Variants in WWOX observed in about 807,000 individuals in gnomAD.
The protein encoded by WWOX is WW domain-containing oxidoreductase.
In WWOX, 69 loss-of-function variants were observed where a neutral mutation model predicts 46.2. That is an observed-to-expected ratio of 1.49 (90% CI 1.23 to 1.82). The LOEUF (loss-of-function observed/expected upper bound fraction) is 1.82, where lower values mean the gene tolerates loss of function less well. Among genes scored for constraint, WWOX ranks in the 40% most tolerant of loss-of-function variants. The pLI is 0.00. For missense variants in WWOX, 919 were observed against 542.6 expected, an observed-to-expected ratio of 1.69 and a Z score of -6.89; for synonymous variants, 359 against 202.6, an observed-to-expected ratio of 1.77 and a Z score of -6.56.
intron 3 of WWOX, among the ~76,000 whole-genome samples, chr16:78,111,116 G>T (rs1206205255): frequency 6.6e-6 from 1 of 151,952 alleles, no homozygotes; most frequent in Admixed American, 6.6e-5. Flanking sequence ...GAGTCCACTT[G>T]CATGGATCCA....
At chr16:79,169,757 C>T (rs1213572966) in intron 8 of WWOX, among the ~76,000 whole-genome samples, 2 of 152,212 alleles carry the variant, frequency 1.3e-5, no homozygotes, top group African/African-American at 4.8e-5. Context: ...AACCTTGCCA[C>T]AGCCTCCTTT....
intron 8 of WWOX, among the ~76,000 whole-genome samples, chr16:79,088,832 G>C (rs2048900615): frequency 6.6e-6 from 1 of 152,172 alleles, no homozygotes; most frequent in Non-Finnish European, 1.5e-5. Context: ...AAAGTCCATA[G>C]AAGCCCAGGA....
intron 8 of WWOX, among the ~76,000 whole-genome samples, chr16:78,729,088 A>T (rs1807367): frequency 0.036 from 5,507 of 152,222 alleles, 179 homozygotes; most frequent in African/African-American, 0.087. Context: ...CATGCCTGCA[A>T]TCCCAGCACT....
intron 8 of WWOX, among the ~76,000 whole-genome samples, chr16:78,883,552 C>A (rs926412819): frequency 6.6e-6 from 1 of 151,966 alleles, no homozygotes; most frequent in Admixed American, 6.6e-5. Context: ...GGCAAAACCC[C>A]ATCTCTACTA....
intron 5 of WWOX, among the ~76,000 whole-genome samples, chr16:78,327,206 C>G (rs1218145484): frequency 1.3e-5 from 2 of 152,176 alleles, no homozygotes; most frequent in African/African-American, 4.8e-5. Flanking sequence ...TAGGCCAGGT[C>G]TGTCTTATGA....
intron 8 of WWOX, among the ~76,000 whole-genome samples, chr16:78,923,907 C>G (rs929968932): frequency 6.8e-6 from 1 of 146,560 alleles, no homozygotes; most frequent in Non-Finnish European, 1.5e-5. Flanking sequence ...TCATGCCATT[C>G]TCCTGCCTCA....
At chr16:78,143,890 C>G (rs375356136) in intron 4 of WWOX, among the ~76,000 whole-genome samples, 1 of 151,384 alleles carries the variant, frequency 6.6e-6, no homozygotes, top group Non-Finnish European at 1.5e-5. Context: ...GCTCACTTCA[C>G]GTTTCGGATC....
At chr16:78,716,383 G>C (rs1156653111) in intron 8 of WWOX, among the ~76,000 whole-genome samples, 1 of 152,116 alleles carries the variant, frequency 6.6e-6, no homozygotes, top group Non-Finnish European at 1.5e-5. Context: ...AGAGTACATT[G>C]CTGTTCTAAG....
At chr16:78,580,712 C>T (rs1483502698) in intron 8 of WWOX, among the ~76,000 whole-genome samples, 8 of 152,178 alleles carry the variant, frequency 5.3e-5, no homozygotes, top group Non-Finnish European at 8.8e-5. Context: ...TTCAGCTCCA[C>T]GAATACTGCA....
At chr16:78,751,050 C>G (rs937089006) in intron 8 of WWOX, among the ~76,000 whole-genome samples, 2 of 152,032 alleles carry the variant, frequency 1.3e-5, no homozygotes, top group African/African-American at 4.8e-5. Context: ...TATTTTTAGA[C>G]CTTTGAGAAA....
At chr16:79,155,909 CT>C (rs35418373) in intron 8 of WWOX, among the ~76,000 whole-genome samples, 18,862 of 150,950 alleles carry the variant, frequency 0.12, 2,005 homozygotes, top group African/African-American at 0.3. Flanking sequence ...TTTTTTTAAT[CT>C]AGGTACAAGT....
intron 5 of WWOX, among the ~76,000 whole-genome samples, chr16:78,244,943 A>G (rs2037770594): frequency 6.6e-6 from 1 of 152,202 alleles, no homozygotes; most frequent in South Asian, 2.1e-4. Context: ...AAATCCTCCA[A>G]TATATATCTA....
intron 8 of WWOX, among the ~76,000 whole-genome samples, chr16:78,901,385 T>C (rs1398159223): frequency 6.6e-6 from 1 of 152,208 alleles, no homozygotes; most frequent in Non-Finnish European, 1.5e-5. Context: ...ATTTTGGCTT[T>C]AATTCTTTCT....
chr16:79,077,641 C>G (rs1285829106), intron 8 of WWOX: 1 of 119,508 alleles, frequency 8.4e-6, no homozygotes, highest in Non-Finnish European at 1.9e-5. Context: ...AATGGTCCCC[C>G]CTTTTTTTTT....
In WWOX at chr16:78,446,307, G is replaced by A. The variant is rs372626201; in HGVS notation, c.1056+13555G>A. ...AGAGCATGCGCTTTTGACTGAGGAGGTCTTGGGTTTAAAGGTCGAATTTTG... is the reference window on the plus strand; with the variant it reads ...AGAGCATGCGCTTTTGACTGAGGAGATCTTGGGTTTAAAGGTCGAATTTTG... On this transcript the variant is annotated intron_variant, in intron 8 of 8. Coordinates refer to ENST00000566780, the MANE Select transcript of WWOX (RefSeq NM_016373.4). 2.0e-5 allele frequency among the ~76,000 whole-genome samples: 3 copies of A among 152,154 alleles called. 1 individual carries two copies. Among genetic ancestry groups the A allele is most frequent in the South Asian group, 4.1e-4 (2 of 4,826 alleles).
chr16:78,536,901 CTTTTTTT>C (rs35326105), intron 8 of WWOX, among the ~76,000 whole-genome samples: 2 of 120,058 alleles, frequency 1.7e-5, no homozygotes, highest in Non-Finnish European at 3.5e-5. Flanking sequence ...AGAGCCAAGT[CTTTTTTT>C]TTTTTTTTTT....
At chr16:78,861,999 G>C (rs143693775) in intron 8 of WWOX, among the ~76,000 whole-genome samples, 117 of 152,146 alleles carry the variant, frequency 7.7e-4, no homozygotes, top group African/African-American at 2.6e-3. Context: ...AATACTATAT[G>C]TGTGTGTGTA....
At chr16:78,859,944 G>C (rs1379814993) in intron 8 of WWOX, among the ~76,000 whole-genome samples, 2 of 152,140 alleles carry the variant, frequency 1.3e-5, no homozygotes, top group African/African-American at 4.8e-5. Flanking sequence ...AAAGCATAAT[G>C]AACTTTGTGA....
chr16:78,763,563 T>A (rs571487620), intron 8 of WWOX, among the ~76,000 whole-genome samples: 1 of 152,284 alleles, frequency 6.6e-6, no homozygotes, highest in East Asian at 1.9e-4. Flanking sequence ...CAAACTCAGG[T>A]TCTTTGATTC....
Sources: allele counts gnomAD v4.1 joint callset (sites outside exome capture counted in the v4.1 genomes callset), GRCh38; gene constraint gnomAD v4.1.1; transcripts MANE v1.5; gene names NCBI Gene and HGNC (gene_info 2026-07-23, HGNC 2026-07-21).